PIGK: variants seen among roughly 807,000 people sequenced by gnomAD.
The protein encoded by PIGK is phosphatidylinositol glycan anchor biosynthesis class K.
Under a neutral mutation model 50.6 loss-of-function variants are expected in PIGK, and 42 were observed. That is an observed-to-expected ratio of 0.83 (90% confidence interval 0.65 to 1.07). The LOEUF is 1.07. PIGK is among the 50% of genes least tolerant of loss of function. The probability of loss-of-function intolerance (pLI) is 0.00; values close to 1 mark genes in which losing one functional copy is unlikely to be tolerated. For missense variants in PIGK, 448 were observed against 488.7 expected, an observed-to-expected ratio of 0.92 and a Z score of 0.78; for synonymous variants, 151 against 156.0, an observed-to-expected ratio of 0.97 and a Z score of 0.24.
At chr1:77,162,018 C>T (rs893342717) in intron 6 of PIGK, among the ~76,000 whole-genome samples, 1 of 152,164 alleles carries the variant, frequency 6.6e-6, no homozygotes, top group African/African-American at 2.4e-5. Context: ...ATTTGGCACC[C>T]ATGCTGTCAT....
chr1:77,140,501 C>T (rs1033639968), intron 9 of PIGK, among the ~76,000 whole-genome samples: 7 of 152,074 alleles, frequency 4.6e-5, no homozygotes, highest in Non-Finnish European at 8.8e-5. Context: ...AACAATAAGC[C>T]AATTACCCAG....
intron 8 of PIGK, among the ~76,000 whole-genome samples, chr1:77,160,093 GT>G (rs1248155605): frequency 1.3e-5 from 2 of 152,152 alleles, no homozygotes. Flanking sequence ...ATGTGGGGCA[GT>G]TACTCTCATG....
rs188228360 is a variant in PIGK, at chr1:77,187,856, T to C, written c.240-18461A>G. ...AAGAATGTAGATTGTGAAGATTTTA[T>C]GGACATTTTATTAGTTCCCCAAATT... On this transcript the variant is annotated intron_variant, in intron 3 of 10. Coordinates refer to ENST00000370812, the MANE Select transcript of PIGK (RefSeq NM_005482.3). 3.6e-3 allele frequency among the ~76,000 whole-genome samples: 550 copies of C among 152,350 alleles called. 6 individuals are homozygous for C. The highest frequency in any genetic ancestry group is 6.1e-3 in the Admixed American group (93 of 15,304).
intron 9 of PIGK, among the ~76,000 whole-genome samples, chr1:77,127,660 T>C (rs140003039): frequency 8.1e-4 from 124 of 152,158 alleles, no homozygotes; most frequent in African/African-American, 2.8e-3. Flanking sequence ...AGAAACAAAC[T>C]AAAAATTAAG....
chr1:77,130,605 C>G (rs74931277), intron 9 of PIGK, among the ~76,000 whole-genome samples: 5 of 152,160 alleles, frequency 3.3e-5, no homozygotes, highest in African/African-American at 1.2e-4. Flanking sequence ...TGAATCATCA[C>G]AACTTTAAAA....
chr1:77,206,827 G>A lies in PIGK; in HGVS notation c.148-96C>T, dbSNP rs1656298301. ...TTAAGTAGGATACAGAGATCTCTAAGAAACAGTATGCCATAATTCAGGCTT... is the reference window on the plus strand; with the variant it reads ...TTAAGTAGGATACAGAGATCTCTAAAAAACAGTATGCCATAATTCAGGCTT... On this transcript the variant is annotated intron_variant, in intron 2 of 10. Transcript: ENST00000370812. 1.1e-5 allele frequency: 8 copies of A among 707,042 alleles called. No individual in the cohort carries two copies. The South Asian group carries it at 1.4e-4, about 12-fold the overall frequency. The allele number at this position is 707,042 out of a possible 1,614,324, so 43.8% of individuals were successfully genotyped here.
chr1:77,211,853 G>A (rs1381771397), intron 1 of PIGK, among the ~76,000 whole-genome samples: 2 of 148,624 alleles, frequency 1.3e-5, no homozygotes, highest in Non-Finnish European at 3.0e-5. Flanking sequence ...AGAGGGGCCT[G>A]ATTGCTTTTA....
intron 6 of PIGK, among the ~76,000 whole-genome samples, chr1:77,163,042 A>C (rs1168654374): frequency 2.0e-5 from 3 of 152,190 alleles, no homozygotes; most frequent in Non-Finnish European, 1.5e-5. Flanking sequence ...GTAAAATTAA[A>C]TGAGACAATA....
At chr1:77,121,853 TG>T (rs1286400500) in intron 10 of PIGK, among the ~76,000 whole-genome samples, 1 of 152,200 alleles carries the variant, frequency 6.6e-6, no homozygotes, top group Non-Finnish European at 1.5e-5. Flanking sequence ...TTGCAAGGGT[TG>T]ATGATTGGGC....
chr1:77,195,903 G>A (rs1206817665), intron 3 of PIGK, among the ~76,000 whole-genome samples: 2 of 152,038 alleles, frequency 1.3e-5, no homozygotes, highest in Non-Finnish European at 2.9e-5. Context: ...GTAATGCTGA[G>A]GTTTGGGGTA....
intron 1 of PIGK, among the ~76,000 whole-genome samples, chr1:77,211,525 T>C (rs920647535): frequency 6.6e-6 from 1 of 152,078 alleles, no homozygotes; most frequent in African/African-American, 2.4e-5. Context: ...CAAAGATTAA[T>C]ATTTCACTTT....
chr1:77,157,297 A>C lies in PIGK; in HGVS notation c.814-2676T>G, dbSNP rs1051227651. ...AAATCAATCATTCTTATTGAATAAGATTACAATAGTCATCATTAAATCTTA... is the reference window on the plus strand; with the variant it reads ...AAATCAATCATTCTTATTGAATAAGCTTACAATAGTCATCATTAAATCTTA... On this transcript the variant is annotated intron_variant, in intron 8 of 10. Coordinates refer to ENST00000370812, the MANE Select transcript of PIGK (RefSeq NM_005482.3). Among the ~76,000 whole-genome samples the C allele has an allele frequency of 5.9e-5, 9 of 152,330 alleles. 1 individual carries two copies. Among genetic ancestry groups the C allele is most frequent in the African/African-American group, 2.2e-4 (9 of 41,580 alleles).
At position 77,219,357 on chromosome 1, in the gene PIGK, T is replaced by C. The variant is rs12723684; in HGVS notation, c.46A>G (p.Thr16Ala). 0.097 allele frequency: 156,103 copies of C among 1,613,468 alleles called. 12,100 individuals carry two copies. Among genetic ancestry groups the C allele is most frequent in the African/African-American group, 0.4 (30,221 of 74,938 alleles). Residue 16 changes from threonine (T) to alanine (A), a missense_variant, in exon 1 of 11, where the codon ACT becomes GCT. Thr to Ala is a moderately conservative substitution (Grantham distance 58). Coordinates refer to ENST00000370812, the MANE Select transcript of PIGK (RefSeq NM_005482.3). Reference sequence around the variant, plus strand: ...CTGCCGAAGGACAAGAGCAACACAGTTGCCAAGACAGTCGCAGCCCGGCTG... The same window carrying C: ...CTGCCGAAGGACAAGAGCAACACAGCTGCCAAGACAGTCGCAGCCCGGCTG... ...SLSRAATVLATVLLLSFGSVA... is the reference protein window; with the variant it reads ...SLSRAATVLAAVLLLSFGSVA...
intron 5 of PIGK, among the ~76,000 whole-genome samples, chr1:77,165,842 ACT>A (rs1291003109): frequency 6.6e-6 from 1 of 152,194 alleles, no homozygotes; most frequent in African/African-American, 2.4e-5. Flanking sequence ...GAAAGCAGAA[ACT>A]ATTAATAATA....
At chr1:77,195,705 C>T (rs1393465027) in intron 3 of PIGK, among the ~76,000 whole-genome samples, 1 of 152,098 alleles carries the variant, frequency 6.6e-6, no homozygotes, top group South Asian at 2.1e-4. Context: ...GACGTCTGTA[C>T]ACAAGTCATC....
chr1:77,134,748 G>A (rs936684929), intron 9 of PIGK, among the ~76,000 whole-genome samples: 1 of 151,990 alleles, frequency 6.6e-6, no homozygotes, highest in Admixed American at 6.6e-5. Flanking sequence ...AATTGTTCTT[G>A]GTGAGCTCAT....
chr1:77,215,456 T>C (rs894127865), intron 1 of PIGK, among the ~76,000 whole-genome samples: 31 of 152,140 alleles, frequency 2.0e-4, no homozygotes, highest in African/African-American at 7.5e-4. Context: ...TGGGAATTCT[T>C]ATACACTGCT....
At chr1:77,112,492 T>C (rs1029659893) in intron 10 of PIGK, among the ~76,000 whole-genome samples, 8 of 152,144 alleles carry the variant, frequency 5.3e-5, no homozygotes, top group Admixed American at 5.2e-4. Context: ...TTGAGTGATG[T>C]TAAGATAGGC....
intron 9 of PIGK, among the ~76,000 whole-genome samples, chr1:77,138,288 C>T (rs1439111155): frequency 6.6e-6 from 1 of 152,156 alleles, no homozygotes; most frequent in Non-Finnish European, 1.5e-5. Flanking sequence ...TAAAGTTAGA[C>T]AGATTGAAAA....
Sources: allele counts gnomAD v4.1 joint callset (sites outside exome capture counted in the v4.1 genomes callset), GRCh38; gene constraint gnomAD v4.1.1; transcripts MANE v1.5; gene names NCBI Gene and HGNC (gene_info 2026-07-23, HGNC 2026-07-21).